SPSB1: variants seen among roughly 807,000 people sequenced by gnomAD.
SPSB1 encodes the protein SPRY domain-containing SOCS box protein 1.
A neutral mutation model predicts 21.2 loss-of-function variants in SPSB1; 8 were observed. That is an observed-to-expected ratio of 0.38 (90% CI 0.22 to 0.68). SPSB1 has a LOEUF of 0.68. SPSB1 is among the 30% of genes least tolerant of loss of function. The pLI is 0.53. For synonymous variants in SPSB1, 169 were observed against 161.7 expected (o/e 1.05, Z -0.34); for missense variants, 242 against 377.8 (o/e 0.64, Z 2.98).
In SPSB1 at chr1:9,293,970, C is replaced by T. The variant is rs139701593; in HGVS notation, c.-150+899C>T. Among the ~76,000 whole-genome samples the T allele has an allele frequency of 4.6e-5, 7 of 151,510 alleles. No individual in the cohort carries two copies. The highest frequency in any genetic ancestry group is 1.7e-4 in the African/African-American group (7 of 41,192). ...TAAGTGCATCTGTGTATTTATGTGC[C>T]TCTGAGTGTGTGTGTGAGTCTGTGT... On this transcript the variant is annotated intron_variant, in intron 1 of 2. Transcript: ENST00000328089. This position sits in a 1 kb window ranked among gnomAD's most constrained non-coding sequence, Gnocchi z 5.1.
chr1:9,327,582 C>T (rs896293500), intron 1 of SPSB1, among the ~76,000 whole-genome samples: 3 of 151,962 alleles, frequency 2.0e-5, no homozygotes, highest in Non-Finnish European at 2.9e-5. Flanking sequence ...GCTTGGGGAG[C>T]AGCTGGCCAC....
At chr1:9,335,493 C>T (rs1393710472) in intron 1 of SPSB1, among the ~76,000 whole-genome samples, 3 of 124,722 alleles carry the variant, frequency 2.4e-5, no homozygotes, top group Non-Finnish European at 5.2e-5. Flanking sequence ...CAGAGCGAGT[C>T]TCTGTCTCAA....
chr1:9,313,750 C>G (rs982836348), intron 1 of SPSB1, among the ~76,000 whole-genome samples: 1 of 152,244 alleles, frequency 6.6e-6, no homozygotes, highest in African/African-American at 2.4e-5. Context: ...CCTGGCCAGT[C>G]CAGCCTGCCC....
Position 9,324,096 on chromosome 1 carries a change from C to G in SPSB1, c.-150+31025C>G, listed in dbSNP as rs1639772021. Among the ~76,000 whole-genome samples, 1 of 152,194 alleles carries G rather than the reference C, an allele frequency of 6.6e-6. No individual in the cohort carries two copies. The highest frequency in any genetic ancestry group is 1.5e-5 in the Non-Finnish European group (1 of 68,042). ...CCTGGTTGCTCTGTCATGGCCCCAC[C>G]TTTTTTCCTAGGTTTTTCAGTCCAT... is the stretch of plus-strand genomic sequence containing the variant. On this transcript the variant is annotated intron_variant, in intron 1 of 2. Transcript: ENST00000328089. The surrounding 1 kb of genome is among the most constrained non-coding windows in gnomAD (Gnocchi z 4.3).
chr1:9,299,542 CA>C (rs1639291805), intron 1 of SPSB1, among the ~76,000 whole-genome samples: 1 of 152,076 alleles, frequency 6.6e-6, no homozygotes, highest in Non-Finnish European at 1.5e-5. Flanking sequence ...TGCAATGGTG[CA>C]ATCTCGGCTC....
intron 1 of SPSB1, among the ~76,000 whole-genome samples, chr1:9,341,757 C>T (rs1640094374): frequency 6.6e-6 from 1 of 152,094 alleles, no homozygotes; most frequent in African/African-American, 2.4e-5. Context: ...GGCTGGAGTA[C>T]AATAGCGCGA....
chr1:9,312,629 C>A (rs564875015), intron 1 of SPSB1, among the ~76,000 whole-genome samples: 4 of 152,156 alleles, frequency 2.6e-5, no homozygotes, highest in Non-Finnish European at 5.9e-5. Context: ...AGTCAGGTGC[C>A]AGCACGGAGT....
chr1:9,359,074 T>C (rs1640422684), intron 2 of SPSB1, among the ~76,000 whole-genome samples: 1 of 152,218 alleles, frequency 6.6e-6, no homozygotes, highest in South Asian at 2.1e-4. Flanking sequence ...ATCTGTGAGC[T>C]GGAATCTAGA....
intron 1 of SPSB1, among the ~76,000 whole-genome samples, chr1:9,351,938 A>C (rs1409296333): frequency 6.6e-6 from 1 of 152,188 alleles, no homozygotes; most frequent in Non-Finnish European, 1.5e-5. Context: ...ATCACCCCAC[A>C]GTGCTGCAGG....
At position 9,356,119 on chromosome 1, in the gene SPSB1, C is replaced by A; in HGVS notation, c.228C>A (p.His76Gln). 1 of 1,602,112 alleles carries A rather than the reference C, an allele frequency of 6.2e-7. No homozygotes were observed. The highest frequency in any genetic ancestry group is 8.5e-7 in the Non-Finnish European group (1 of 1,171,370). The change falls in exon 2 of 3, where the codon CAC becomes CAA. Residue 76 changes from histidine (H) to glutamine (Q), a missense_variant. By Grantham distance (24) the His-to-Gln change is conservative. Transcript: ENST00000328089. The surrounding 1 kb of genome is among the most constrained non-coding windows in gnomAD (Gnocchi z 7.4). ...FVKEDDKLIF[H>Q]RHPVAQSTDA... is the part of the protein sequence containing the mutation. ...AGGAGGACGACAAGCTCATCTTTCACCGGCATCCGGTGGCCCAGAGCACGG... is the reference window on the plus strand; with the variant it reads ...AGGAGGACGACAAGCTCATCTTTCAACGGCATCCGGTGGCCCAGAGCACGG...
rs1639632131 is a variant in SPSB1 at position 9,317,309 on chromosome 1, G to T, written c.-150+24238G>T. ...GGAATAAATGTCACTGGCGGAAGGT[G>T]GCATGTGTGTGCAAAACCACTGGGA... On this transcript the variant is annotated intron_variant, in intron 1 of 2. Transcript: ENST00000328089. The surrounding 1 kb of genome is among the most constrained non-coding windows in gnomAD (Gnocchi z 4.3). 6.6e-6 allele frequency among the ~76,000 whole-genome samples: 1 copy of T among 152,104 alleles called. No individual in the cohort carries two copies. Among genetic ancestry groups the T allele is most frequent in the African/African-American group, 2.4e-5 (1 of 41,430 alleles).
chr1:9,330,028 C>G (rs1360029055), intron 1 of SPSB1, among the ~76,000 whole-genome samples: 1 of 152,220 alleles, frequency 6.6e-6, no homozygotes, highest in Non-Finnish European at 1.5e-5. Context: ...AAAGGGAAAC[C>G]TGACCATCTG....
intron 1 of SPSB1, among the ~76,000 whole-genome samples, chr1:9,338,929 G>T (rs72643833): frequency 0.039 from 5,912 of 152,328 alleles, 118 homozygotes; most frequent in African/African-American, 0.055. Flanking sequence ...CATTCTGGAG[G>T]ACTCTGGAAA....
intron 1 of SPSB1, among the ~76,000 whole-genome samples, chr1:9,338,828 T>C (rs1334738357): frequency 1.3e-5 from 2 of 152,148 alleles, no homozygotes; most frequent in South Asian, 2.1e-4. Flanking sequence ...CCCGCCTTGC[T>C]CTGCTGTGCT....
At chr1:9,319,715 C>T (rs999245983) in intron 1 of SPSB1, among the ~76,000 whole-genome samples, 1 of 152,308 alleles carries the variant, frequency 6.6e-6, no homozygotes, top group South Asian at 2.1e-4. Flanking sequence ...CAGTGCAGAG[C>T]AGCCCCCAAA....
At chr1:9,352,919 C>T (rs573823133) in intron 1 of SPSB1, among the ~76,000 whole-genome samples, 141 of 151,046 alleles carry the variant, frequency 9.3e-4, no homozygotes, top group African/African-American at 3.3e-3. Flanking sequence ...GACGAGATCC[C>T]GGGAGAAAGG....
At chr1:9,343,269 G>A (rs1172241007) in intron 1 of SPSB1, among the ~76,000 whole-genome samples, 1 of 152,084 alleles carries the variant, frequency 6.6e-6, no homozygotes, top group Non-Finnish European at 1.5e-5. Context: ...CCATCCCCCT[G>A]CTTCCTGGCC....
chr1:9,329,160 G>A (rs1416144200), intron 1 of SPSB1, among the ~76,000 whole-genome samples: 1 of 152,184 alleles, frequency 6.6e-6, no homozygotes. Context: ...AAGGGCAGTT[G>A]TATGAAGCAG....
chr1:9,300,076 A>G (rs1639302706), intron 1 of SPSB1, among the ~76,000 whole-genome samples: 1 of 152,012 alleles, frequency 6.6e-6, no homozygotes, highest in Non-Finnish European at 1.5e-5. Flanking sequence ...TTGGTAGGAC[A>G]TTTACATGTC....
Sources: gnomAD v4.1 joint callset for allele counts (sites outside exome capture counted in the v4.1 genomes callset) on GRCh38, gnomAD v4.1.1 for gene constraint, Gnocchi (gnomAD v3.1) non-coding constraint, MANE v1.5 for transcripts, NCBI Gene and HGNC (gene_info 2026-07-23, HGNC 2026-07-21) for gene names.